Variants in DST observed in about 807,000 individuals in gnomAD.
DST encodes dystonin.
Under a neutral mutation model 875.2 loss-of-function variants are expected in DST, and 253 were observed. The ratio of observed to expected loss-of-function variants is 0.29; its 90% confidence interval spans 0.26 to 0.32. The LOEUF is 0.32. Among genes scored for constraint, DST ranks in the 10% least tolerant of loss-of-function variants. The pLI, the probability that DST is intolerant of heterozygous loss-of-function variation, is 1.00. For synonymous variants in DST, 3,124 were observed against 3,197.1 expected (o/e 0.98, Z 0.77); for missense variants, 8,287 against 9,111.6 (o/e 0.91, Z 3.68).
chr6:56,923,680 A>C (rs1043427119), intron 2 of DST, among the ~76,000 whole-genome samples: 2 of 152,158 alleles, frequency 1.3e-5, no homozygotes, highest in Non-Finnish European at 2.9e-5. Context: ...TGAAATCTGA[A>C]GGCACTCAAG....
At chr6:56,811,134 T>C (rs1035787228) in intron 4 of DST, among the ~76,000 whole-genome samples, 1 of 136,576 alleles carries the variant, frequency 7.3e-6, no homozygotes, top group African/African-American at 2.8e-5. Context: ...CAGTGACCTG[T>C]GATTGTGCCA....
chr6:56,724,377 C>T (rs1159845477), intron 5 of DST, among the ~76,000 whole-genome samples: 1 of 152,172 alleles, frequency 6.6e-6, no homozygotes, highest in East Asian at 1.9e-4. Flanking sequence ...ACACTATTCT[C>T]CAAGAATTCA....
At chr6:56,651,090 G>GTA (rs755300505) in intron 11 of DST, 42 bp downstream of exon 11, 8 of 1,587,448 alleles carry the variant, frequency 5.0e-6, no homozygotes, top group Non-Finnish European at 6.0e-6. Context: ...CTTTTGATCA[G>GTA]ACTTTCATGC....
At chr6:56,707,112 G>A (rs981671320) in intron 5 of DST, among the ~76,000 whole-genome samples, 1 of 152,232 alleles carries the variant, frequency 6.6e-6, no homozygotes, top group Non-Finnish European at 1.5e-5. Flanking sequence ...CTGGCCCAAT[G>A]CTCGCCTCCT....
Position 56,642,898 on chromosome 6 carries a change from C to T in DST, c.1779-395G>A, listed in dbSNP as rs143726337. ...GGTGAAAAGTGGCAGCTGAATATTACAGCTTTTAGTGGCTCCTTAAATATG... is the reference window on the plus strand; with the variant it reads ...GGTGAAAAGTGGCAGCTGAATATTATAGCTTTTAGTGGCTCCTTAAATATG... On this transcript the variant is annotated intron_variant, in intron 15 of 103. Transcript: ENST00000680361. The T allele has an allele frequency of 2.2e-4, 354 of 1,574,618 alleles. No individual in the cohort carries two copies. The African/African-American group carries it at 4.3e-3, about 19-fold the overall frequency.
At chr6:56,686,520 T>C (rs2099188346) in intron 9 of DST, among the ~76,000 whole-genome samples, 1 of 152,208 alleles carries the variant, frequency 6.6e-6, no homozygotes, top group Admixed American at 6.5e-5. Flanking sequence ...TTGTTTTTTA[T>C]TTTTGTTTTA....
At chr6:56,754,097 C>T (rs1431777705) in intron 4 of DST, among the ~76,000 whole-genome samples, 2 of 152,222 alleles carry the variant, frequency 1.3e-5, no homozygotes, top group Non-Finnish European at 2.9e-5. Flanking sequence ...AAATGACTTT[C>T]GGTTTCTTTT....
At chr6:56,892,217 A>G (rs775180576) in intron 3 of DST, among the ~76,000 whole-genome samples, 1 of 151,896 alleles carries the variant, frequency 6.6e-6, no homozygotes, top group African/African-American at 2.4e-5. Flanking sequence ...TTCCAGCTTT[A>G]TCTTGTATTT....
chr6:56,894,427 G>A (rs1789745588), intron 3 of DST, among the ~76,000 whole-genome samples: 2 of 68,188 alleles, frequency 2.9e-5, no homozygotes, highest in Admixed American at 2.3e-4. Flanking sequence ...CAGTAGGGGC[G>A]GCCGGGCAGA....
In DST at chr6:56,668,002, G is replaced by C. The variant is rs184499134; in HGVS notation, c.1214+2639C>G. On this transcript the variant is annotated intron_variant, in intron 10 of 103. Coordinates refer to ENST00000680361, the MANE Select transcript of DST (RefSeq NM_001374736.1). Reference sequence around the variant, plus strand: ...GTTGGTCTCAAATTCCTGGCCTCAAGCAATCCTCCGGCCTCATCCTCCCTG... The same window carrying C: ...GTTGGTCTCAAATTCCTGGCCTCAACCAATCCTCCGGCCTCATCCTCCCTG... Among the ~76,000 whole-genome samples, 483 of 152,052 alleles carry C rather than the reference G, an allele frequency of 3.2e-3. 3 individuals are homozygous for C. Among genetic ancestry groups the C allele is most frequent in the Non-Finnish European group, 5.0e-3 (337 of 67,972 alleles).
intron 9 of DST, among the ~76,000 whole-genome samples, chr6:56,678,153 C>G (rs2099139764): frequency 6.6e-6 from 1 of 152,210 alleles, no homozygotes; most frequent in Non-Finnish European, 1.5e-5. Flanking sequence ...GCTCGCATCC[C>G]TCAAAGATGT....
rs533371205 is a variant in DST, at chr6:56,598,031, G to A, written c.11929-25C>T. ...CCTGGGAAGGGAAAGTTCACAGGAG[G>A]AATTCAGAACGTGGGCCAAGGCATA... On this transcript the variant is annotated intron_variant, in intron 46 of 103. Transcript: ENST00000680361. 43 of 1,555,098 alleles carry A rather than the reference G, an allele frequency of 2.8e-5. 1 individual carries two copies. The South Asian group carries it at 5.0e-4, about 18-fold the overall frequency.
chr6:56,631,359 C>T lies in DST; in HGVS notation c.3994G>A (p.Asp1332Asn). 1.9e-6 allele frequency: 3 copies of T among 1,613,908 alleles called. No homozygotes were observed. Among genetic ancestry groups the T allele is most frequent in the Non-Finnish European group, 2.5e-6 (3 of 1,179,914 alleles). The stretch of plus-strand genomic sequence containing the variant: ...TTATTTGTGATTGTTCCCAAATCAT[C>T]TTTAAGTCGTTCCAGCTCTTTCTTT... ...KLKKELERLK[D>N]DLGTITNKCE... The change falls in exon 30 of 104, where the codon GAT (aspartate) becomes AAT (asparagine). Residue 1332 changes from aspartate (D) to asparagine (N), a missense_variant. Physicochemically the swap from Asp to Asn is conservative, Grantham distance 23. Coordinates refer to ENST00000680361, the MANE Select transcript of DST (RefSeq NM_001374736.1).
chr6:56,669,639 T>C (rs1244338849), intron 10 of DST, among the ~76,000 whole-genome samples: 1 of 150,426 alleles, frequency 6.6e-6, no homozygotes, highest in Non-Finnish European at 1.5e-5. Context: ...TTTCAATAAA[T>C]ACTTTCCGGG....
intron 10 of DST, among the ~76,000 whole-genome samples, chr6:56,654,417 C>T (rs978248994): frequency 4.6e-5 from 7 of 151,894 alleles, no homozygotes; most frequent in African/African-American, 1.7e-4. Context: ...GGAAGTGAGA[C>T]TAAAAATTGC....
At chr6:56,833,137 A>G (rs2099789321) in intron 4 of DST, among the ~76,000 whole-genome samples, 1 of 152,214 alleles carries the variant, frequency 6.6e-6, no homozygotes, top group African/African-American at 2.4e-5. Flanking sequence ...TCTTTTTTCT[A>G]GCAAAGGCAG....
intron 2 of DST, among the ~76,000 whole-genome samples, chr6:56,948,531 C>T (rs2127809458): frequency 6.6e-6 from 1 of 152,306 alleles, no homozygotes; most frequent in African/African-American, 2.4e-5. Flanking sequence ...GAGTGGCACG[C>T]AATTTCAAAC....
intron 61 of DST, among the ~76,000 whole-genome samples, chr6:56,551,384 GT>G (rs1308994643): frequency 6.6e-6 from 1 of 152,144 alleles, no homozygotes; most frequent in Non-Finnish European, 1.5e-5. Flanking sequence ...AACCCTAAAG[GT>G]TTATATCAGC....
intron 4 of DST, among the ~76,000 whole-genome samples, chr6:56,746,723 G>A (rs2152945935): frequency 6.6e-6 from 1 of 152,288 alleles, no homozygotes; most frequent in Admixed American, 6.5e-5. Context: ...ATTTTACAAA[G>A]AGGGTGTATT....
Sources: gnomAD v4.1 joint callset for allele counts (sites outside exome capture counted in the v4.1 genomes callset) on GRCh38, gnomAD v4.1.1 for gene constraint, MANE v1.5 for transcripts, NCBI Gene and HGNC (gene_info 2026-07-23, HGNC 2026-07-21) for gene names.